The following CACNA1E variants were observed in gnomAD, a reference collection of about 807,000 sequenced individuals.
CACNA1E encodes the protein voltage-dependent R-type calcium channel subunit alpha-1E.
In CACNA1E, 40 loss-of-function variants were observed where a neutral mutation model predicts 259.2. That is an observed-to-expected ratio of 0.15 (90% CI 0.12 to 0.20). The LOEUF is 0.20. Ranked by LOEUF, CACNA1E falls within the 10% of genes least tolerant of loss-of-function variation. CACNA1E has a pLI of 1.00. For synonymous variants in CACNA1E, 1,104 were observed against 1,138.5 expected (o/e 0.97, Z 0.61); for missense variants, 1,874 against 3,040.1 (o/e 0.62, Z 9.02).
At position 181,799,144 on chromosome 1, in the gene CACNA1E, C is replaced by G. The variant is rs766899931; in HGVS notation, c.*310C>G. The G allele has an allele frequency of 3.5e-4, 86 of 244,732 alleles. No homozygotes were observed. Among genetic ancestry groups the G allele is most frequent in the Middle Eastern group, 2.7e-3 (2 of 754 alleles). 15.2% of individuals were successfully genotyped at this position (244,732 alleles called of 1,614,324 possible). A position where few individuals can be genotyped will look rare whatever the true frequency, so the allele number is the denominator to read the frequency against. ...ATGGCTTTGCTTCCCCTTGCCCCTT[C>G]CCACTTTTCTAAAAGCTGTGGAGGG... On this transcript the variant is annotated 3_prime_UTR_variant, in exon 48 of 48. Transcript: ENST00000367573.
chr1:181,787,998 G>T (rs756631065), intron 43 of CACNA1E, among the ~76,000 whole-genome samples: 1 of 152,198 alleles, frequency 6.6e-6, no homozygotes, highest in Non-Finnish European at 1.5e-5. Context: ...CATGTGATCA[G>T]ATGTGTGCTT....
At chr1:181,657,735 G>T (rs913044778) in intron 7 of CACNA1E, among the ~76,000 whole-genome samples, 3 of 152,210 alleles carry the variant, frequency 2.0e-5, no homozygotes, top group Admixed American at 1.3e-4. Context: ...ATCCAACGAC[G>T]TGGTACTAAG....
upstream of CACNA1E, among the ~76,000 whole-genome samples, chr1:181,479,296 G>C (rs931954070): frequency 6.6e-6 from 1 of 152,170 alleles, no homozygotes; most frequent in Non-Finnish European, 1.5e-5. Flanking sequence ...ATGGTGCATG[G>C]GGTGCTGGGC....
Position 181,710,992 on chromosome 1 carries a change from G to A in CACNA1E, c.1094G>A (p.Arg365Lys). ...GAGAGAGAGAGAGTGGAGAACCGAAGGGCTTTCATGAAGCTGCGGCGCCAG... is the reference window on the plus strand; with the variant it reads ...GAGAGAGAGAGAGTGGAGAACCGAAAGGCTTTCATGAAGCTGCGGCGCCAG... ...AKERERVENRRAFMKLRRQQQ... is the reference protein window; with the variant it reads ...AKERERVENRKAFMKLRRQQQ... Residue 365 changes from arginine to lysine, a missense_variant, in exon 8 of 48, where the codon AGG becomes AAG. Arg to Lys is a conservative substitution (Grantham distance 26). Coordinates refer to ENST00000367573, the MANE Select transcript of CACNA1E (RefSeq NM_001205293.3). 1 of 1,613,906 alleles carries A rather than the reference G, an allele frequency of 6.2e-7. No individual in the cohort carries two copies.
rs1658305421 is a variant in CACNA1E at position 181,758,663 on chromosome 1, G to C, written c.4495-95G>C. On this transcript the variant is annotated intron_variant, in intron 31 of 47. Transcript: ENST00000367573. This position sits in a 1 kb window ranked among gnomAD's most constrained non-coding sequence, Gnocchi z 4.2. The stretch of plus-strand genomic sequence containing the variant: ...GTACCACACACCAGAGTGTCCCACA[G>C]GGCAGGAATGAGAGATGGCCAACCT... 1 of 700,434 alleles carries C rather than the reference G, an allele frequency of 1.4e-6. No individual in the cohort carries two copies. Among genetic ancestry groups the C allele is most frequent in the Non-Finnish European group, 2.6e-6 (1 of 391,846 alleles). The allele number at this position is 700,434 out of a possible 1,614,324, so 43.4% of individuals were successfully genotyped here.
In CACNA1E at chr1:181,772,171, C is replaced by T; in HGVS notation, c.5079C>T (p.Arg1693=). Residue 1693 remains arginine (R), a synonymous_variant, in exon 37 of 48, where the codon CGC becomes CGT. Coordinates refer to ENST00000367573, the MANE Select transcript of CACNA1E (RefSeq NM_001205293.3). ...TAPSGQNENE[R]CGTDLAYVYF... ...CATCAGGGCAGAACGAGAACGAACG[C>T]TGCGGCACCGATCTGGCCTACGTGT... The T allele has an allele frequency of 6.2e-7, 1 of 1,614,026 alleles. No individual in the cohort carries two copies. The highest frequency in any genetic ancestry group is 8.5e-7 in the Non-Finnish European group (1 of 1,179,880).
intron 7 of CACNA1E, among the ~76,000 whole-genome samples, chr1:181,672,888 TTTCTC>T: frequency 6.6e-6 from 1 of 152,322 alleles, no homozygotes; most frequent in East Asian, 1.9e-4. Context: ...ATGTTCCCCT[TTTCTC>T]TTCCCTGTCC....
At chr1:181,437,217 A>C (rs79140168) in intron 2 of CACNA1E, among the ~76,000 whole-genome samples, 1 of 152,142 alleles carries the variant, frequency 6.6e-6, no homozygotes, top group Non-Finnish European at 1.5e-5. Context: ...ATATGTGTAG[A>C]CTAACTTCTG....
At chr1:181,587,849 G>C (rs1201420435) in intron 6 of CACNA1E, among the ~76,000 whole-genome samples, 1 of 152,214 alleles carries the variant, frequency 6.6e-6, no homozygotes, top group Non-Finnish European at 1.5e-5. Flanking sequence ...CGCCACTGCA[G>C]TCCGGCCTGG....
At chr1:181,538,525 G>A (rs2102768469) in intron 3 of CACNA1E, among the ~76,000 whole-genome samples, 1 of 152,304 alleles carries the variant, frequency 6.6e-6, no homozygotes, top group East Asian at 1.9e-4. Context: ...TATGTAAATT[G>A]GAATGCAAAT....
intron 3 of CACNA1E, among the ~76,000 whole-genome samples, chr1:181,525,803 T>C (rs1278386507): frequency 1.3e-5 from 2 of 152,216 alleles, no homozygotes; most frequent in African/African-American, 4.8e-5. Context: ...TGGCCATAGA[T>C]TGGAGTGGTC....
intron 6 of CACNA1E, among the ~76,000 whole-genome samples, chr1:181,630,816 A>G (rs1448492011): frequency 6.6e-6 from 1 of 152,106 alleles, no homozygotes; most frequent in Non-Finnish European, 1.5e-5. Flanking sequence ...AAAAGTCGTC[A>G]CCCTGGGACC....
At chr1:181,558,243 C>T (rs1019320102) in intron 3 of CACNA1E, among the ~76,000 whole-genome samples, 3 of 152,170 alleles carry the variant, frequency 2.0e-5, no homozygotes, top group East Asian at 3.9e-4. Flanking sequence ...GGATGAGCTT[C>T]GCCCAGGAAC....
Position 181,483,522 on chromosome 1 carries a change from T to C in CACNA1E, c.-223T>C, listed in dbSNP as rs1328929625. 29 of 362,582 alleles carry C rather than the reference T, an allele frequency of 8.0e-5. No homozygotes were observed. The highest frequency in any genetic ancestry group is 1.4e-4 in the Non-Finnish European group (28 of 204,480). The allele number at this position is 362,582 out of a possible 1,614,324, so 22.5% of individuals were successfully genotyped here. A position where few individuals can be genotyped will look rare whatever the true frequency, so the allele number is the denominator to read the frequency against. On this transcript the variant is annotated 5_prime_UTR_variant, in exon 1 of 48. Transcript: ENST00000367573. ...TTTTCTTTTTTTTTTTTTTCCTTCTTGAGGAATGGAGCTTCGCAGAGGTTG... is the reference window on the plus strand; with the variant it reads ...TTTTCTTTTTTTTTTTTTTCCTTCTCGAGGAATGGAGCTTCGCAGAGGTTG...
In CACNA1E at chr1:181,804,904, C is replaced by A. The variant is rs184678322; in HGVS notation, c.*6070C>A. The A allele has an allele frequency of 6.8e-6, 1 of 146,050 alleles. No individual in the cohort carries two copies. Among genetic ancestry groups the A allele is most frequent in the East Asian group, 2.0e-4 (1 of 4,980 alleles). The allele number at this position is 146,050 out of a possible 1,614,324, so 9.0% of individuals were successfully genotyped here. A position where few individuals can be genotyped will look rare whatever the true frequency, so the allele number is the denominator to read the frequency against. ...TCTATTCTTCCCATTTTCCCTTATTCTTCTTGTTGTCTCTCTAATTAAAAA... is the reference window on the plus strand; with the variant it reads ...TCTATTCTTCCCATTTTCCCTTATTATTCTTGTTGTCTCTCTAATTAAAAA... On this transcript the variant is annotated 3_prime_UTR_variant, in exon 48 of 48. Coordinates refer to ENST00000367573, the MANE Select transcript of CACNA1E (RefSeq NM_001205293.3).
chr1:181,757,821 A>C, intron 30 of CACNA1E, 126 bp from the exon 31 acceptor site: 1 of 1,017,636 alleles, frequency 9.8e-7, no homozygotes, highest in South Asian at 1.5e-5. Context: ...CCCAGTTGCC[A>C]TCTTTACTTG....
At chr1:181,565,272 G>T (rs1247076429) in intron 3 of CACNA1E, among the ~76,000 whole-genome samples, 1 of 152,134 alleles carries the variant, frequency 6.6e-6, no homozygotes, top group Non-Finnish European at 1.5e-5. Flanking sequence ...TACTTTTCAG[G>T]GAAATGATGT....
chr1:181,579,185 A>G lies in CACNA1E; in HGVS notation c.730A>G (p.Ser244Gly). The part of the protein sequence containing the change: ...MFAIIGLEFY[S>G]GKLHRACFMN... ...TGCTATCATTGGTTTGGAGTTCTACAGTGGCAAGTTACATCGAGCATGCTT... is the reference window on the plus strand; with the variant it reads ...TGCTATCATTGGTTTGGAGTTCTACGGTGGCAAGTTACATCGAGCATGCTT... The change falls in exon 5 of 48, where the codon AGT becomes GGT. Residue 244 changes from serine (S) to glycine (G), a missense_variant. Coordinates refer to ENST00000367573, the MANE Select transcript of CACNA1E (RefSeq NM_001205293.3). 1 of 1,613,784 alleles carries G rather than the reference A, an allele frequency of 6.2e-7. No homozygotes were observed. Among genetic ancestry groups the G allele is most frequent in the African/African-American group, 1.3e-5 (1 of 75,044 alleles).
In CACNA1E at chr1:181,384,238, C is replaced by A. The variant is rs569679263; in HGVS notation, c.-14-28895C>A. Among the ~76,000 whole-genome samples, 31 of 152,274 alleles carry A rather than the reference C, an allele frequency of 2.0e-4. 1 individual carries two copies. In the South Asian group the frequency reaches 6.2e-3, roughly 31 times the overall value. ...GTGTTAAGACACGGAGATGCGATAT[C>A]TATGCCATAAAGTGAGGGATACCTG... On this transcript the variant is annotated intron_variant, in intron 1 of 11. Coordinates refer to the CACNA1E transcript ENST00000524607.
Sources: allele counts gnomAD v4.1 joint callset (sites outside exome capture counted in the v4.1 genomes callset), GRCh38; gene constraint gnomAD v4.1.1; non-coding constraint Gnocchi (gnomAD v3.1); transcripts MANE v1.5; gene names NCBI Gene and HGNC (gene_info 2026-07-23, HGNC 2026-07-21).